UNC80: variants seen among roughly 807,000 people sequenced by gnomAD.
UNC80 encodes the protein unc-80 subunit of NALCN channel complex.
A neutral mutation model predicts 384.6 loss-of-function variants in UNC80; 164 were observed. The ratio of observed to expected loss-of-function variants is 0.43; its 90% CI spans 0.38 to 0.49. The LOEUF is 0.49. Among genes scored for constraint, UNC80 ranks in the 20% least tolerant of loss-of-function variants. UNC80 has a pLI of 0.00. For synonymous variants in UNC80, 1,486 were observed against 1,527.8 expected, an observed-to-expected ratio of 0.97 and a Z score of 0.64; for missense variants, 3,330 against 4,143.0, an observed-to-expected ratio of 0.80 and a Z score of 5.39.
chr2:209,943,642 C>A, intron 45 of UNC80, 128 bp downstream of exon 45: 1 of 1,135,090 alleles, frequency 8.8e-7, no homozygotes, highest in Non-Finnish European at 1.2e-6. Context: ...GATGCAAAGG[C>A]AGGCAGAGGA....
intron 22 of UNC80, among the ~76,000 whole-genome samples, chr2:209,870,285 C>G (rs1282889082): frequency 2.0e-5 from 3 of 152,218 alleles, no homozygotes; most frequent in African/African-American, 7.2e-5. Context: ...CATCACTTGC[C>G]TGACCTCTAA....
intron 7 of UNC80, among the ~76,000 whole-genome samples, chr2:209,812,760 T>C (rs773951957): frequency 1.1e-4 from 17 of 152,218 alleles, no homozygotes; most frequent in Non-Finnish European, 2.5e-4. Context: ...AATCTGAATT[T>C]TGTGGGACAC....
chr2:209,937,853 A>T (rs184300469), intron 42 of UNC80, among the ~76,000 whole-genome samples: 208 of 152,328 alleles, frequency 1.4e-3, no homozygotes, highest in Non-Finnish European at 2.6e-3. Flanking sequence ...TAGTGTAATG[A>T]TGAATTATTG....
chr2:209,956,173 CAT>C (rs1440219841), intron 48 of UNC80, among the ~76,000 whole-genome samples: 1 of 152,124 alleles, frequency 6.6e-6, no homozygotes, highest in Non-Finnish European at 1.5e-5. Context: ...GGAGCTCTGG[CAT>C]TTAAAATTAT....
At chr2:209,894,601 A>G (rs116475583) in intron 27 of UNC80, among the ~76,000 whole-genome samples, 4,604 of 152,208 alleles carry the variant, frequency 0.03, 221 homozygotes, top group African/African-American at 0.1. Context: ...CTGATTCAGC[A>G]GATCTGGGGT....
chr2:209,900,623 T>G (rs901157278), intron 28 of UNC80, among the ~76,000 whole-genome samples: 2 of 152,186 alleles, frequency 1.3e-5, no homozygotes, highest in Non-Finnish European at 2.9e-5. Flanking sequence ...AAGGAAGAGT[T>G]GTGTGTCTCT....
intron 7 of UNC80, chr2:209,809,312 A>G (rs2079159402): frequency 1.3e-6 from 1 of 765,970 alleles, no homozygotes; most frequent in Non-Finnish European, 2.4e-6. Flanking sequence ...ATCCGAAGCC[A>G]CACGCTGCCC....
chr2:209,834,518 A>G (rs1043976780), intron 17 of UNC80, among the ~76,000 whole-genome samples: 2 of 152,232 alleles, frequency 1.3e-5, no homozygotes, highest in Admixed American at 6.5e-5. Context: ...TACTGATGCC[A>G]TATGATCCTG....
intron 61 of UNC80, 89 bp downstream of exon 61, chr2:209,985,001 C>G: frequency 8.7e-7 from 1 of 1,148,244 alleles, no homozygotes; most frequent in Non-Finnish European, 1.2e-6. Flanking sequence ...TTCTCTGTCT[C>G]TTCTCGCCCC....
intron 13 of UNC80, 112 bp from the exon 14 acceptor site, chr2:209,825,795 T>G: frequency 1.0e-6 from 1 of 992,614 alleles, no homozygotes; most frequent in Non-Finnish European, 1.3e-6. Flanking sequence ...AAATTGCAGG[T>G]GCTCCCTGTA....
At chr2:209,840,821 G>A (rs2081681678) in intron 20 of UNC80, among the ~76,000 whole-genome samples, 173 bp downstream of exon 20, 1 of 152,172 alleles carries the variant, frequency 6.6e-6, no homozygotes, top group Non-Finnish European at 1.5e-5. Context: ...TGTTTAAGTA[G>A]TAGGCTATCA....
At chr2:209,955,732 TATATATACACACACACAC>T (rs1437683373) in intron 48 of UNC80, among the ~76,000 whole-genome samples, 8 of 63,828 alleles carry the variant, frequency 1.3e-4, no homozygotes, top group African/African-American at 8.5e-4. Context: ...TATATATATA[TATATATACACACACACAC>T]ACACACACAG....
chr2:209,840,068 G>C (rs1225871531), intron 19 of UNC80, among the ~76,000 whole-genome samples: 1 of 152,178 alleles, frequency 6.6e-6, no homozygotes, highest in African/African-American at 2.4e-5. Context: ...ATGGGATGTT[G>C]AACAGGAGAG....
At position 209,932,582 on chromosome 2, in the gene UNC80, C is replaced by T. The variant is rs905053905; in HGVS notation, c.5995-1240C>T. Among the ~76,000 whole-genome samples, 79 of 152,198 alleles carry T rather than the reference C, an allele frequency of 5.2e-4. 1 individual carries two copies. Among genetic ancestry groups the T allele is most frequent in the African/African-American group, 1.7e-3 (71 of 41,502 alleles). On this transcript the variant is annotated intron_variant, in intron 38 of 64. Transcript: ENST00000673920. ...ATTGCTCTCCTCCATCCTTTAGCTC[C>T]GCAACAAAAATATTTTTAAGGGAGC...
intron 22 of UNC80, among the ~76,000 whole-genome samples, chr2:209,854,965 T>G (rs555293165): frequency 1.9e-4 from 29 of 152,228 alleles, no homozygotes; most frequent in Non-Finnish European, 3.1e-4. Context: ...CAAAGGACTA[T>G]AAGTCATTCT....
Position 209,814,070 on chromosome 2 carries a change from G to T in UNC80, c.1200+229G>T, listed in dbSNP as rs796998968. The stretch of plus-strand genomic sequence containing the variant: ...TCTTGCACATGCTAATTTAGTATAA[G>T]TCTTTGTTTATCTGGAATAGTGGAA... On this transcript the variant is annotated intron_variant, in intron 8 of 64. Transcript: ENST00000673920. 3.3e-5 allele frequency among the ~76,000 whole-genome samples: 5 copies of T among 152,094 alleles called. No individual in the cohort carries two copies. The South Asian group carries it at 1.0e-3, about 32-fold the overall frequency.
chr2:209,840,706 A>G, intron 20 of UNC80, 58 bp downstream of exon 20: 1 of 1,412,692 alleles, frequency 7.1e-7, no homozygotes, highest in African/African-American at 1.4e-5. Context: ...AAACATGTGA[A>G]GGCTGAGAAA....
intron 7 of UNC80, among the ~76,000 whole-genome samples, chr2:209,799,416 T>C (rs1003587529): frequency 2.0e-5 from 3 of 152,208 alleles, no homozygotes; most frequent in African/African-American, 7.2e-5. Flanking sequence ...TTTTTGCACA[T>C]TGATTTTGTA....
intron 33 of UNC80, 86 bp downstream of exon 33, chr2:209,918,749 A>G: frequency 7.3e-7 from 1 of 1,369,470 alleles, no homozygotes; most frequent in East Asian, 2.5e-5. Context: ...TTCTCATCAT[A>G]AGAATGTAAT....
Sources: gnomAD v4.1 joint callset for allele counts (sites outside exome capture counted in the v4.1 genomes callset) on GRCh38, gnomAD v4.1.1 for gene constraint, MANE v1.5 for transcripts, NCBI Gene and HGNC (gene_info 2026-07-23, HGNC 2026-07-21) for gene names.